The following CDKAL1 variants were observed in gnomAD, a reference collection of about 807,000 sequenced individuals.
CDKAL1 encodes threonylcarbamoyladenosine tRNA methylthiotransferase.
CDKAL1 carries 32 observed loss-of-function variants against 68.2 expected under a neutral mutation model. The ratio of observed to expected loss-of-function variants is 0.47; its 90% CI spans 0.35 to 0.63. The LOEUF (loss-of-function observed/expected upper bound fraction) is 0.63. Ranked by LOEUF, CDKAL1 falls within the 30% of genes least tolerant of loss-of-function variation. The pLI, the probability that CDKAL1 is intolerant of heterozygous loss-of-function variation, is 0.00. For missense variants in CDKAL1, 606 were observed against 696.7 expected, an observed-to-expected ratio of 0.87 and a Z score of 1.47; for synonymous variants, 234 against 244.3, an observed-to-expected ratio of 0.96 and a Z score of 0.39.
chr6:20,612,923 T>C (rs1262531526), intron 4 of CDKAL1, among the ~76,000 whole-genome samples: 1 of 151,060 alleles, frequency 6.6e-6, no homozygotes, highest in Non-Finnish European at 1.5e-5. Flanking sequence ...CAGTAAGTAA[T>C]AAGACTCCAT....
intron 4 of CDKAL1, among the ~76,000 whole-genome samples, chr6:20,627,812 C>T (rs1170884447): frequency 1.3e-5 from 2 of 152,064 alleles, no homozygotes; most frequent in Non-Finnish European, 2.9e-5. Context: ...GTTTTGTTAG[C>T]TATACACCTA....
intron 4 of CDKAL1, among the ~76,000 whole-genome samples, chr6:20,617,419 A>AT (rs201777591): frequency 0.029 from 4,410 of 151,832 alleles, 155 homozygotes; most frequent in African/African-American, 0.082. Flanking sequence ...GCTTAAAACT[A>AT]TTTTTTTTTA....
chr6:21,156,935 G>T (rs539881038), intron 13 of CDKAL1, among the ~76,000 whole-genome samples: 10 of 152,310 alleles, frequency 6.6e-5, no homozygotes, highest in African/African-American at 1.7e-4. Flanking sequence ...TCTGCTCTCT[G>T]CCTAGGCTGG....
intron 5 of CDKAL1, among the ~76,000 whole-genome samples, chr6:20,732,283 T>TTTTTTTTGTTTTTTTTTTTTTG (rs1554112044): frequency 8.5e-6 from 1 of 117,490 alleles, no homozygotes; most frequent in African/African-American, 2.9e-5. Flanking sequence ...TTTTTTTTTT[T>TTTTTTTTGTTTTTTTTTTTTTG]TTGTTGTTGT....
intron 9 of CDKAL1, among the ~76,000 whole-genome samples, chr6:20,903,740 T>G (rs9358377): frequency 0.33 from 50,616 of 152,082 alleles, 8,814 homozygotes; most frequent in South Asian, 0.42. Flanking sequence ...GGGCTTGCTT[T>G]GTTTTTTCAT....
At chr6:20,859,054 A>G (rs1411578257) in intron 9 of CDKAL1, among the ~76,000 whole-genome samples, 1 of 152,128 alleles carries the variant, frequency 6.6e-6, no homozygotes, top group Non-Finnish European at 1.5e-5. Context: ...ATTAAATCAC[A>G]TATGTATCTT....
At chr6:20,752,148 G>C (rs9465877) in intron 6 of CDKAL1, among the ~76,000 whole-genome samples, 1 of 150,032 alleles carries the variant, frequency 6.7e-6, no homozygotes, top group African/African-American at 2.5e-5. Context: ...TGCTTCCTCC[G>C]TTGTCTTCCG....
intron 5 of CDKAL1, among the ~76,000 whole-genome samples, chr6:20,732,919 TC>T (rs1342967022): frequency 3.3e-5 from 5 of 152,214 alleles, no homozygotes; most frequent in African/African-American, 1.2e-4. Flanking sequence ...TGTATACGTA[TC>T]CTCATTTCTT....
intron 10 of CDKAL1, among the ~76,000 whole-genome samples, chr6:20,957,886 G>A (rs561010283): frequency 8.0e-5 from 12 of 150,166 alleles, no homozygotes; most frequent in Admixed American, 1.3e-4. Context: ...CAGGAGAATC[G>A]CTTGAGCCCA....
chr6:20,780,149 G>GA (rs147653495), intron 7 of CDKAL1, among the ~76,000 whole-genome samples: 7 of 135,032 alleles, frequency 5.2e-5, no homozygotes, highest in African/African-American at 1.9e-4. Flanking sequence ...CATATAGAAA[G>GA]AAAAAATGAC....
chr6:20,549,480 C>T (rs1273427472), intron 4 of CDKAL1, among the ~76,000 whole-genome samples: 2 of 152,030 alleles, frequency 1.3e-5, no homozygotes, highest in Non-Finnish European at 2.9e-5. Context: ...AACCTTTGGC[C>T]TGTTAATTTT....
chr6:21,205,480 G>C (rs1231917789), intron 15 of CDKAL1, among the ~76,000 whole-genome samples: 4 of 151,988 alleles, frequency 2.6e-5, no homozygotes, highest in African/African-American at 9.7e-5. Context: ...CTTTTGTTTT[G>C]TTTTGTTTTG....
intron 4 of CDKAL1, among the ~76,000 whole-genome samples, chr6:20,624,678 G>GA (rs112257683): frequency 3.2e-4 from 48 of 150,568 alleles, no homozygotes; most frequent in Middle Eastern, 3.4e-3. Flanking sequence ...AGAGTAGTGG[G>GA]AAAAAAAAAC....
chr6:20,774,319 CCAAA>C lies in CDKAL1; in HGVS notation c.518-6823_518-6820del, dbSNP rs377326788. Among the ~76,000 whole-genome samples the C allele has an allele frequency of 5.3e-5, 8 of 152,244 alleles. No homozygotes were observed. In the East Asian group the frequency reaches 1.2e-3, roughly 22 times the overall value. ...TGCAACCCACTTTAGAACGTGAGAA[CCAAA>C]CAGAGAAGATTGGTTTGTGTGTAGG... On this transcript the variant is annotated intron_variant, in intron 7 of 15. Coordinates refer to ENST00000274695, the MANE Select transcript of CDKAL1 (RefSeq NM_017774.3).
Position 20,595,393 on chromosome 6 carries a change from A to G in CDKAL1, c.286+46688A>G, listed in dbSNP as rs533491831. ...CCTTTTCATTCTTTTTTCTCTAATA[A>G]TGGGTTATTTCATTAAGTTGATCTT... On this transcript the variant is annotated intron_variant, in intron 4 of 15. Transcript: ENST00000274695. Among the ~76,000 whole-genome samples, 10 of 151,704 alleles carry G rather than the reference A, an allele frequency of 6.6e-5. No homozygotes were observed. In the South Asian group the frequency reaches 2.1e-3, roughly 32 times the overall value.
chr6:20,635,191 G>A (rs1767849543), intron 4 of CDKAL1, among the ~76,000 whole-genome samples: 1 of 152,086 alleles, frequency 6.6e-6, no homozygotes, highest in African/African-American at 2.4e-5. Context: ...TTTGGCTTTT[G>A]TGAGTAGATC....
At position 20,603,768 on chromosome 6, in the gene CDKAL1, A is replaced by ATTTTTTTTTTTTT. The variant is rs745786047; in HGVS notation, c.287-45511_287-45499dup. ...ACATTGATTAATGGGCAGTTGCTAA[A>ATTTTTTTTTTTTT]TTTTTTTTTTTTTTTTTTTTTTTTT... On this transcript the variant is annotated intron_variant, in intron 4 of 15. Coordinates refer to ENST00000274695, the MANE Select transcript of CDKAL1 (RefSeq NM_017774.3). 4.4e-3 allele frequency among the ~76,000 whole-genome samples: 377 copies of ATTTTTTTTTTTTT among 85,204 alleles called. 47 individuals are homozygous for ATTTTTTTTTTTTT. The highest frequency in any genetic ancestry group is 0.017 in the African/African-American group (359 of 21,344). The allele number at this position is 85,204 out of a possible 152,430, so 55.9% of individuals were successfully genotyped here. A position where few individuals can be genotyped will look rare whatever the true frequency, so the allele number is the denominator to read the frequency against.
intron 15 of CDKAL1, among the ~76,000 whole-genome samples, chr6:21,223,765 G>A (rs1477297355): frequency 6.6e-6 from 1 of 152,124 alleles, no homozygotes; most frequent in Non-Finnish European, 1.5e-5. Context: ...TGTCTCTTGG[G>A]GCCAAAAGAC....
intron 13 of CDKAL1, among the ~76,000 whole-genome samples, chr6:21,117,673 T>A (rs1274096737): frequency 1.3e-5 from 2 of 152,162 alleles, no homozygotes; most frequent in Non-Finnish European, 2.9e-5. Flanking sequence ...GAAATTTGTA[T>A]TTAGCTGTGT....
Sources: gnomAD v4.1 joint callset for allele counts (sites outside exome capture counted in the v4.1 genomes callset) on GRCh38, gnomAD v4.1.1 for gene constraint, MANE v1.5 for transcripts, NCBI Gene and HGNC (gene_info 2026-07-23, HGNC 2026-07-21) for gene names.